Variants in DYM observed in about 807,000 individuals in gnomAD.
DYM encodes the protein dyggve-Melchior-Clausen syndrome protein.
In DYM, 78 loss-of-function variants were observed where a neutral mutation model predicts 93.1. The ratio of observed to expected loss-of-function variants is 0.84; its 90% confidence interval spans 0.70 to 1.01. The LOEUF is 1.01. DYM is among the 50% of genes least tolerant of loss of function. The probability of loss-of-function intolerance (pLI) is 0.00; values close to 1 mark genes in which losing one functional copy is unlikely to be tolerated. For missense variants in DYM, 789 were observed against 845.0 expected, an observed-to-expected ratio of 0.93 and a Z score of 0.82; for synonymous variants, 321 against 319.7, an observed-to-expected ratio of 1.00 and a Z score of -0.04.
chr18:49,350,580 C>A (rs1049784296), intron 6 of DYM, among the ~76,000 whole-genome samples: 6 of 151,894 alleles, frequency 4.0e-5, no homozygotes, highest in Admixed American at 3.9e-4. Context: ...GTGGCGGGCG[C>A]CTGTAATTCC....
chr18:49,187,787 G>A (rs1019046417), intron 14 of DYM, among the ~76,000 whole-genome samples: 18 of 152,118 alleles, frequency 1.2e-4, no homozygotes, highest in Non-Finnish European at 1.9e-4. Flanking sequence ...TTTTCTAAAT[G>A]TACAAAATCA....
chr18:49,097,354 A>G (rs1383579270), intron 17 of DYM, 48 bp downstream of exon 17: 1 of 1,555,698 alleles, frequency 6.4e-7, no homozygotes, highest in East Asian at 2.2e-5. Context: ...TAACATTTAC[A>G]TCAAGGGACA....
intron 1 of DYM, among the ~76,000 whole-genome samples, chr18:49,448,524 T>C (rs1300789474): frequency 1.3e-5 from 2 of 152,194 alleles, no homozygotes; most frequent in East Asian, 1.9e-4. Flanking sequence ...CTACAGCCAC[T>C]TGGGTGAGCA....
intron 16 of DYM, among the ~76,000 whole-genome samples, chr18:49,104,266 A>T (rs991193048): frequency 6.6e-6 from 1 of 152,038 alleles, no homozygotes; most frequent in South Asian, 2.1e-4. Flanking sequence ...TGATTTTGTA[A>T]CCTGAGACTT....
intron 6 of DYM, among the ~76,000 whole-genome samples, chr18:49,339,597 C>A (rs2063937027): frequency 6.6e-6 from 1 of 152,172 alleles, no homozygotes; most frequent in Non-Finnish European, 1.5e-5. Context: ...GGAGCTGACT[C>A]TTGCCAATAG....
At chr18:49,290,058 C>T (rs2060010367) in intron 8 of DYM, among the ~76,000 whole-genome samples, 1 of 150,516 alleles carries the variant, frequency 6.6e-6, no homozygotes. Flanking sequence ...ACTCATGAGC[C>T]CAGCAATTCT....
intron 17 of DYM, among the ~76,000 whole-genome samples, chr18:49,064,150 T>G (rs956174228): frequency 2.0e-5 from 3 of 152,246 alleles, no homozygotes; most frequent in Non-Finnish European, 4.4e-5. Flanking sequence ...TAAACCTATA[T>G]AGAATCCTAC....
intron 8 of DYM, among the ~76,000 whole-genome samples, chr18:49,307,140 T>C (rs1416356758): frequency 6.6e-6 from 1 of 152,088 alleles, no homozygotes; most frequent in Non-Finnish European, 1.5e-5. Context: ...TATTATGTCA[T>C]GGTCTTGCCT....
At chr18:49,452,245 C>T (rs764971362) in intron 1 of DYM, among the ~76,000 whole-genome samples, 3 of 152,138 alleles carry the variant, frequency 2.0e-5, no homozygotes, top group African/African-American at 7.2e-5. Context: ...CAGACCTTCG[C>T]GGTGAGTGTT....
chr18:49,126,462 G>T (rs1226927438), intron 15 of DYM: 1 of 152,096 alleles, frequency 6.6e-6, no homozygotes, highest in Non-Finnish European at 1.5e-5. Context: ...GGTAATAAAT[G>T]AAATTCTTTA....
At chr18:49,376,116 T>C (rs1384961827) in intron 5 of DYM, among the ~76,000 whole-genome samples, 2 of 152,168 alleles carry the variant, frequency 1.3e-5, no homozygotes, top group East Asian at 1.9e-4. Flanking sequence ...GTTGTGATCA[T>C]GTGAGTCACT....
Position 49,392,681 on chromosome 18 carries a change from T to TAAAAAAA in DYM, c.141-1043_141-1037dup, listed in dbSNP as rs869086187. 2.5e-3 allele frequency among the ~76,000 whole-genome samples: 173 copies of TAAAAAAA among 68,498 alleles called. 12 individuals are homozygous for TAAAAAAA. Among genetic ancestry groups the TAAAAAAA allele is most frequent in the Middle Eastern group, 0.017 (1 of 60 alleles). The allele number at this position is 68,498 out of a possible 152,430, so 44.9% of individuals were successfully genotyped here. A position where few individuals can be genotyped will look rare whatever the true frequency, so the allele number is the denominator to read the frequency against. ...CACACCCATTGGGATGGCTTTTATTTAAAAAAAAAAAAAAAAAAAAAAAAA... is the reference window on the plus strand; with the variant it reads ...CACACCCATTGGGATGGCTTTTATTTAAAAAAAAAAAAAAAAAAAAAAAAAAAAAAAA... On this transcript the variant is annotated intron_variant, in intron 2 of 17. Coordinates refer to ENST00000675505, the MANE Select transcript of DYM (RefSeq NM_001353214.3).
chr18:49,399,504 C>G (rs184871458), intron 2 of DYM, among the ~76,000 whole-genome samples: 1 of 152,232 alleles, frequency 6.6e-6, no homozygotes, highest in Admixed American at 6.5e-5. Flanking sequence ...TTTATTTTTA[C>G]AACAGTATTA....
Position 49,157,797 on chromosome 18 carries a change from C to T in DYM, c.1728+5888G>A, listed in dbSNP as rs1472772901. On this transcript the variant is annotated intron_variant, in intron 15 of 17. Transcript: ENST00000675505. ...TCTAATTTATCTATTTTTCTTTTGT[C>T]ACTTGAGTTTTTGGCATCACCTAAG... Among the ~76,000 whole-genome samples, 5 of 152,070 alleles carry T rather than the reference C, an allele frequency of 3.3e-5. No individual in the cohort carries two copies. In the South Asian group the frequency reaches 1.0e-3, roughly 32 times the overall value.
rs542039907 is a variant in DYM at position 49,332,505 on chromosome 18, T to G, written c.621-499A>C. On this transcript the variant is annotated intron_variant, in intron 7 of 17. Coordinates refer to ENST00000675505, the MANE Select transcript of DYM (RefSeq NM_001353214.3). ...ACATTATCTGGCAATTGAAGGGAAG[T>G]AGTAATAAAGAATCAGTAGAAAAAA... 1.3e-5 allele frequency among the ~76,000 whole-genome samples: 2 copies of G among 152,160 alleles called. 1 individual carries two copies. The highest frequency in any genetic ancestry group is 2.9e-5 in the Non-Finnish European group (2 of 68,038).
chr18:49,263,972 T>G (rs1390052905), intron 11 of DYM, among the ~76,000 whole-genome samples: 1 of 152,182 alleles, frequency 6.6e-6, no homozygotes, highest in Non-Finnish European at 1.5e-5. Flanking sequence ...AGACCACCAC[T>G]GTATCCATCA....
At chr18:49,429,302 C>G (rs1001181006) in intron 2 of DYM, among the ~76,000 whole-genome samples, 1 of 152,208 alleles carries the variant, frequency 6.6e-6, no homozygotes, top group Non-Finnish European at 1.5e-5. Context: ...TACTTTAATT[C>G]CCCTTTGCCA....
chr18:49,079,347 T>A (rs1204680952), intron 17 of DYM, among the ~76,000 whole-genome samples: 1 of 152,162 alleles, frequency 6.6e-6, no homozygotes, highest in Non-Finnish European at 1.5e-5. Context: ...TGTCGGGACA[T>A]TTTGGGTTGT....
chr18:49,137,015 T>C (rs939161309), intron 15 of DYM, among the ~76,000 whole-genome samples: 2 of 152,216 alleles, frequency 1.3e-5, no homozygotes, highest in African/African-American at 4.8e-5. Context: ...TAAAATTTAC[T>C]TGGTAGCATT....
Sources: allele counts gnomAD v4.1 joint callset (sites outside exome capture counted in the v4.1 genomes callset), GRCh38; gene constraint gnomAD v4.1.1; transcripts MANE v1.5; gene names NCBI Gene and HGNC (gene_info 2026-07-23, HGNC 2026-07-21).